Variants in SMC4 observed in about 807,000 individuals in gnomAD.
SMC4 encodes structural maintenance of chromosomes protein 4.
Under a neutral mutation model 145.6 loss-of-function variants are expected in SMC4, and 87 were observed. The ratio of observed to expected loss-of-function variants is 0.60; its 90% CI spans 0.50 to 0.71. SMC4 has a LOEUF of 0.71. Among genes scored for constraint, SMC4 ranks in the 30% least tolerant of loss-of-function variants. The pLI is 0.00. For missense variants in SMC4, 1,447 were observed against 1,537.1 expected (o/e 0.94, Z 0.98); for synonymous variants, 558 against 500.7 (o/e 1.11, Z -1.53).
chr3:160,410,259 T>TAA (rs1559994097), intron 5 of SMC4, among the ~76,000 whole-genome samples: 1 of 152,140 alleles, frequency 6.6e-6, no homozygotes, highest in Non-Finnish European at 1.5e-5. Context: ...GAAATGCTAT[T>TAA]AAAGCATCTT....
At position 160,432,675 on chromosome 3, in the gene SMC4, T is replaced by C. The variant is rs558050260; in HGVS notation, c.3530+160T>C. 9 of 566,444 alleles carry C rather than the reference T, an allele frequency of 1.6e-5. No individual in the cohort carries two copies. In the Admixed American group the frequency reaches 2.8e-4, roughly 18 times the overall value. 35.1% of individuals were successfully genotyped at this position (566,444 alleles called of 1,614,324 possible). On this transcript the variant is annotated intron_variant, in intron 22 of 23. Coordinates refer to ENST00000357388, the MANE Select transcript of SMC4 (RefSeq NM_001002800.3). ...TTGCATGCTATTTATGCTTGCAGTT[T>C]ACAGGGGCAGACAGCCAGTATTTAC...
rs546977751 is a variant in SMC4, at chr3:160,413,476, T to C, written c.984T>C (p.Tyr328=). Residue 328 remains tyrosine (Y), a synonymous_variant, in exon 8 of 24, where the codon TAT becomes TAC. Coordinates refer to ENST00000357388, the MANE Select transcript of SMC4 (RefSeq NM_001002800.3). The stretch of plus-strand genomic sequence containing the variant: ...TTTTTTTTTTTCCTCCCTATAGTTA[T>C]GAGTTGCAGAAACGAATTGCTGAAA... ...KKNHVCQYYI[Y]ELQKRIAEME... is the part of the protein sequence containing the mutation. 1.5e-5 allele frequency: 24 copies of C among 1,580,136 alleles called. No homozygotes were observed. Among genetic ancestry groups the C allele is most frequent in the East Asian group, 2.3e-5 (1 of 44,030 alleles).
intron 8 of SMC4, 121 bp downstream of exon 8, chr3:160,413,734 GC>G: frequency 1.7e-6 from 1 of 599,660 alleles, no homozygotes; most frequent in South Asian, 2.8e-5. Context: ...TCAAGTGGTG[GC>G]CCCCTTAGTG....
intron 13 of SMC4, among the ~76,000 whole-genome samples, 183 bp downstream of exon 13, chr3:160,421,084 C>T (rs1174297661): frequency 6.6e-6 from 1 of 152,080 alleles, no homozygotes; most frequent in East Asian, 1.9e-4. Context: ...TGCCCGCCAC[C>T]ACACCCAGCT....
intron 5 of SMC4, among the ~76,000 whole-genome samples, chr3:160,405,934 C>T (rs188698049): frequency 3.3e-5 from 5 of 151,818 alleles, no homozygotes; most frequent in Non-Finnish European, 7.4e-5. Flanking sequence ...AATCTTTTAC[C>T]GTCATCCTGG....
intron 15 of SMC4, 28 bp downstream of exon 15, chr3:160,423,868 CTTTTT>C: frequency 4.1e-6 from 5 of 1,223,104 alleles, no homozygotes; most frequent in East Asian, 5.5e-5. Context: ...TGTATCCAGA[CTTTTT>C]TTTTTTTTTA....
intron 7 of SMC4, chr3:160,412,846 G>C (rs1474759218): frequency 1.0e-6 from 1 of 981,748 alleles, no homozygotes; most frequent in East Asian, 1.1e-4. Context: ...CTTTAAGTTG[G>C]GAGGTAGGTT....
intron 7 of SMC4, 156 bp downstream of exon 7, chr3:160,412,609 T>A: frequency 3.2e-6 from 4 of 1,256,892 alleles, no homozygotes; most frequent in Non-Finnish European, 4.1e-6. Context: ...TGCCTGTAAT[T>A]CCAGCACTTT....
intron 5 of SMC4, among the ~76,000 whole-genome samples, chr3:160,405,044 A>T (rs1011316784): frequency 1.1e-4 from 17 of 152,102 alleles, no homozygotes; most frequent in Admixed American, 1.0e-3. Flanking sequence ...TGGTTAACTT[A>T]ACCTTTACTC....
rs567186472 is a variant in SMC4 at position 160,419,435 on chromosome 3, T to G, written c.1749T>G (p.Val583=). The G allele has an allele frequency of 2.1e-4, 344 of 1,612,614 alleles. 6 individuals are homozygous for G. In the South Asian group the frequency reaches 3.0e-3, roughly 14 times the overall value. The change falls in exon 12 of 24, where the codon GTT becomes GTG. Residue 583 remains valine (V), a synonymous_variant. Transcript: ENST00000357388. The part of the protein sequence containing the change: ...KSLVHDLFQK[V]EEAKSSLAMN... The stretch of plus-strand genomic sequence containing the variant: ...TGGTTCATGATCTCTTTCAAAAAGT[T>G]GAAGAAGCAAAGAGCTCATTAGCAA...
At position 160,431,186 on chromosome 3, in the gene SMC4, T is replaced by C; in HGVS notation, c.3095T>C (p.Ile1032Thr). ...DGHIAEHNSKIKYWHKEISKI... is the reference protein window; with the variant it reads ...DGHIAEHNSKTKYWHKEISKI... ...CACATTGCTGAACATAATTCTAAAA[T>C]AAAATATTGGCACAAAGAGGTGAGA... is the stretch of plus-strand genomic sequence containing the variant. The change falls in exon 20 of 24, where the codon ATA becomes ACA. Residue 1032 changes from isoleucine (I) to threonine (T), a missense_variant. Coordinates refer to ENST00000357388, the MANE Select transcript of SMC4 (RefSeq NM_001002800.3). The C allele has an allele frequency of 6.3e-7, 1 of 1,578,640 alleles. No homozygotes were observed. Among genetic ancestry groups the C allele is most frequent in the Non-Finnish European group, 8.6e-7 (1 of 1,168,420 alleles).
chr3:160,428,775 A>C lies in SMC4; in HGVS notation c.2628A>C (p.Lys876Asn). Residue 876 changes from lysine to asparagine, a missense_variant, in exon 18 of 24, where the codon AAA becomes AAC. Lys to Asn is a moderately conservative substitution (Grantham distance 94). Coordinates refer to ENST00000357388, the MANE Select transcript of SMC4 (RefSeq NM_001002800.3). The part of the protein sequence containing the change: ...FKTEYDAVAE[K>N]AGKVEAEVKR... ...CAGAATATGATGCTGTGGCTGAGAA[A>C]GCTGGTAAAGTAGAAGCTGAGGTTA... The C allele has an allele frequency of 6.3e-7, 1 of 1,587,988 alleles. No homozygotes were observed. Among genetic ancestry groups the C allele is most frequent in the Non-Finnish European group, 8.5e-7 (1 of 1,173,816 alleles).
At chr3:160,421,232 T>C (rs1268237817) in intron 13 of SMC4, among the ~76,000 whole-genome samples, 2 of 151,924 alleles carry the variant, frequency 1.3e-5, no homozygotes, top group Admixed American at 6.6e-5. Context: ...CCCAGCCCTA[T>C]AATTGAATTT....
chr3:160,421,172 G>A lies in SMC4; in HGVS notation c.2019+271G>A, dbSNP rs191882825. 6.0e-3 allele frequency among the ~76,000 whole-genome samples: 916 copies of A among 151,820 alleles called. 9 individuals are homozygous for A. The highest frequency in any genetic ancestry group is 0.016 in the Admixed American group (243 of 15,270). The stretch of plus-strand genomic sequence containing the variant: ...TCTGGATCTCCTGACCTTGTGATCC[G>A]CCCACCTCGGCCTCCCAGAGTGCTG... On this transcript the variant is annotated intron_variant, in intron 13 of 23. Transcript: ENST00000357388.
At chr3:160,430,845 C>T in intron 19 of SMC4, 102 bp downstream of exon 19, 1 of 1,362,704 alleles carries the variant, frequency 7.3e-7, no homozygotes. Context: ...CACTCATAGA[C>T]TTAAAGTTTT....
intron 5 of SMC4, among the ~76,000 whole-genome samples, chr3:160,410,388 A>ATGG (rs1189460374): frequency 6.6e-6 from 1 of 152,226 alleles, no homozygotes; most frequent in Non-Finnish European, 1.5e-5. Context: ...TTCCTCAGTG[A>ATGG]CTTAACGTTC....
Position 160,431,172 on chromosome 3 carries a change from A to G in SMC4, c.3081A>G (p.Glu1027=). The change falls in exon 20 of 24, where the codon GAA becomes GAG. Residue 1027 remains glutamate, a synonymous_variant. Coordinates refer to ENST00000357388, the MANE Select transcript of SMC4 (RefSeq NM_001002800.3). ...KLEQIDGHIA[E]HNSKIKYWHK... ...AACAAATAGATGGTCACATTGCTGAACATAATTCTAAAATAAAATATTGGC... is the reference window on the plus strand; with the variant it reads ...AACAAATAGATGGTCACATTGCTGAGCATAATTCTAAAATAAAATATTGGC... 1.3e-6 allele frequency: 2 copies of G among 1,588,260 alleles called. No homozygotes were observed. The highest frequency in any genetic ancestry group is 1.8e-4 in the Middle Eastern group (1 of 5,628).
intron 5 of SMC4, among the ~76,000 whole-genome samples, chr3:160,407,226 C>G (rs1221895605): frequency 1.3e-5 from 2 of 152,170 alleles, no homozygotes; most frequent in Non-Finnish European, 2.9e-5. Context: ...ACTTCATATG[C>G]TTTTGTCTTC....
intron 5 of SMC4, among the ~76,000 whole-genome samples, chr3:160,406,868 G>A (rs913823760): frequency 7.2e-5 from 11 of 152,110 alleles, no homozygotes; most frequent in Admixed American, 2.0e-4. Flanking sequence ...ATATTAAGAT[G>A]GCTAAACCTT....
Sources: allele counts gnomAD v4.1 joint callset (sites outside exome capture counted in the v4.1 genomes callset), GRCh38; gene constraint gnomAD v4.1.1; transcripts MANE v1.5; gene names NCBI Gene and HGNC (gene_info 2026-07-23, HGNC 2026-07-21).